PYGB: variants seen among roughly 807,000 people sequenced by gnomAD.
PYGB encodes glycogen phosphorylase B.
A neutral mutation model predicts 94.3 loss-of-function variants in PYGB; 82 were observed. The ratio of observed to expected loss-of-function variants is 0.87; its 90% CI spans 0.73 to 1.04. The LOEUF (loss-of-function observed/expected upper bound fraction) is 1.04, where lower values mean the gene tolerates loss of function less well. PYGB is among the 50% of genes least tolerant of loss of function. The pLI, the probability that PYGB is intolerant of heterozygous loss-of-function variation, is 0.00. For missense variants in PYGB, 1,132 were observed against 1,158.2 expected (o/e 0.98, Z 0.33); for synonymous variants, 488 against 479.1 (o/e 1.02, Z -0.24).
At position 25,280,252 on chromosome 20, in the gene PYGB, C is replaced by G. The variant is rs966409255; in HGVS notation, c.1093-14C>G. ...TTCTAAACAAACACATGGGAACATT[C>G]TCTAATGGCCTAGGCCTGGGAAATC... On this transcript the variant is annotated splice_polypyrimidine_tract_variant and intron_variant, in intron 9 of 19. Coordinates refer to ENST00000216962, the MANE Select transcript of PYGB (RefSeq NM_002862.4). The G allele has an allele frequency of 8.1e-6, 13 of 1,612,932 alleles. No individual in the cohort carries two copies. The African/African-American group carries it at 1.1e-4, about 13-fold the overall frequency.
Position 25,281,132 on chromosome 20 carries a change from G to C in PYGB, c.1403+20G>C, listed in dbSNP as rs182090304. On this transcript the variant is annotated intron_variant, in intron 11 of 19. Coordinates refer to ENST00000216962, the MANE Select transcript of PYGB (RefSeq NM_002862.4). The stretch of plus-strand genomic sequence containing the variant: ...GTCGGTGTGAGTGGGGCGCTTGCCC[G>C]AGCGGGGCCAGCTCTGTCTGACACC... 1 of 1,613,192 alleles carries C rather than the reference G, an allele frequency of 6.2e-7. No individual in the cohort carries two copies. Among genetic ancestry groups the C allele is most frequent in the South Asian group, 1.1e-5 (1 of 90,956 alleles).
chr20:25,262,981 C>T (rs907442211), intron 2 of PYGB, among the ~76,000 whole-genome samples: 1 of 152,112 alleles, frequency 6.6e-6, no homozygotes, highest in African/African-American at 2.4e-5. Flanking sequence ...CCTTAGAGAC[C>T]TACAAAGAGA....
intron 5 of PYGB, among the ~76,000 whole-genome samples, chr20:25,275,970 T>C (rs1410404433): frequency 2.6e-5 from 4 of 152,318 alleles, no homozygotes; most frequent in African/African-American, 7.2e-5. Context: ...CAAGCATCCC[T>C]GAGTGCGCCT....
Position 25,292,475 on chromosome 20 carries a change from T to G in PYGB, c.2039T>G (p.Met680Arg). Residue 680 changes from methionine to arginine, a missense_variant, in exon 17 of 20, where the codon ATG becomes AGG. By Grantham distance (91) the Met-to-Arg change is moderately conservative (BLOSUM62 -1). Transcript: ENST00000216962. ...AGTEASGTGN[M>R]KFMLNGALTI... is the part of the protein sequence containing the mutation. ...ACCGAGGCCTCAGGCACAGGCAACA[T>G]GAAGTTCATGCTCAACGGGGCCCTC... is the stretch of plus-strand genomic sequence containing the variant. The G allele has an allele frequency of 6.2e-7, 1 of 1,613,596 alleles. No individual in the cohort carries two copies.
At chr20:25,295,245 G>A (rs1451775457) in intron 18 of PYGB, among the ~76,000 whole-genome samples, 1 of 152,256 alleles carries the variant, frequency 6.6e-6, no homozygotes, top group East Asian at 1.9e-4. Flanking sequence ...AGTGCCCCCT[G>A]CCCTGAGGCG....
chr20:25,296,965 A>C lies in PYGB; in HGVS notation c.*443A>C, dbSNP rs991519133. On this transcript the variant is annotated 3_prime_UTR_variant, in exon 20 of 20. Transcript: ENST00000216962. ...CTGCAGCATCTGGGCTGCCAGCCAC[A>C]GGGAAGGGCCAAGCCCCATGTAGCC... 1.2e-5 allele frequency: 2 copies of C among 170,628 alleles called. No homozygotes were observed. The highest frequency in any genetic ancestry group is 4.8e-5 in the African/African-American group (2 of 41,598). The allele number at this position is 170,628 out of a possible 1,614,324, so 10.6% of individuals were successfully genotyped here.
chr20:25,294,753 ATGTAGTTAGTGTTTTATTTCAG>A, intron 18 of PYGB: 1 of 647,146 alleles, frequency 1.5e-6, no homozygotes, highest in Non-Finnish European at 2.8e-6. Flanking sequence ...TGACATTATA[ATGTAGTTAGTGTTTTATTTCAG>A]TGCAGTTAGC....
chr20:25,262,691 A>G (rs2092916333), intron 2 of PYGB, among the ~76,000 whole-genome samples: 1 of 146,218 alleles, frequency 6.8e-6, no homozygotes, highest in Admixed American at 6.6e-5. Context: ...AAGAGTCAAG[A>G]CCCATCAGTG....
intron 2 of PYGB, among the ~76,000 whole-genome samples, chr20:25,265,438 G>A (rs2088208047): frequency 1.3e-5 from 2 of 152,082 alleles, no homozygotes; most frequent in South Asian, 4.1e-4. Context: ...GTGTAAAATG[G>A]TATGTTATAG....
rs1314977815 is a variant in PYGB, at chr20:25,254,902, CTT to C, written c.244-4334_244-4333del. On this transcript the variant is annotated intron_variant, in intron 1 of 19. Coordinates refer to ENST00000216962, the MANE Select transcript of PYGB (RefSeq NM_002862.4). ...TGTTTACTACAGAACCAAGTGATCT[CTT>C]AAGATCCCCATAAGTTCTAAAGTTC... is the stretch of plus-strand genomic sequence containing the variant. Among the ~76,000 whole-genome samples, 9 of 152,182 alleles carry C rather than the reference CTT, an allele frequency of 5.9e-5. No individual in the cohort carries two copies. In the East Asian group the frequency reaches 1.7e-3, roughly 29 times the overall value.
At chr20:25,294,610 G>T in intron 18 of PYGB, 2 of 544,952 alleles carry the variant, frequency 3.7e-6, no homozygotes, top group South Asian at 4.0e-5. Flanking sequence ...CCGTGTCCCA[G>T]CAGGCCAGTA....
At chr20:25,254,763 C>T (rs2123511480) in intron 1 of PYGB, among the ~76,000 whole-genome samples, 1 of 152,298 alleles carries the variant, frequency 6.6e-6, no homozygotes, top group Middle Eastern at 3.4e-3. Flanking sequence ...AGAAGGCTCC[C>T]ATCGCTTTCT....
Position 25,294,414 on chromosome 20 carries a change from C to G in PYGB, c.2312+122C>G, listed in dbSNP as rs564982988. On this transcript the variant is annotated intron_variant, in intron 18 of 19. Coordinates refer to ENST00000216962, the MANE Select transcript of PYGB (RefSeq NM_002862.4). ...ACCCGTGCTTTCAGGACGTCTTCTC[C>G]ACTGTGCCCATGAGACCTTACTGGG... 19 of 1,268,568 alleles carry G rather than the reference C, an allele frequency of 1.5e-5. No homozygotes were observed. In the East Asian group the frequency reaches 4.4e-4, roughly 30 times the overall value. The allele number at this position is 1,268,568 out of a possible 1,614,324, so 78.6% of individuals were successfully genotyped here.
intron 2 of PYGB, among the ~76,000 whole-genome samples, chr20:25,262,200 A>G (rs937103330): frequency 6.6e-6 from 1 of 152,246 alleles, no homozygotes; most frequent in Non-Finnish European, 1.5e-5. Flanking sequence ...AGTTGAAATG[A>G]AGGAGAAAAT....
In PYGB at chr20:25,276,727, A is replaced by G; in HGVS notation, c.742A>G (p.Lys248Glu). 1 of 1,614,002 alleles carries G rather than the reference A, an allele frequency of 6.2e-7. No individual in the cohort carries two copies. The highest frequency in any genetic ancestry group is 8.5e-7 in the Non-Finnish European group (1 of 1,179,914). ...TVNTMRLWSA[K>E]APNDFKLQDF... ...CAACACCATGCGGCTGTGGTCCGCC[A>G]AGGCTCCCAACGACTTCAAGCTGCA... Residue 248 changes from lysine (K) to glutamate (E), a missense_variant, in exon 6 of 20, where the codon AAG becomes GAG. Lys to Glu is a moderately conservative substitution (Grantham distance 56). Transcript: ENST00000216962.
intron 2 of PYGB, among the ~76,000 whole-genome samples, chr20:25,262,912 C>T (rs184517772): frequency 6.6e-6 from 1 of 152,258 alleles, no homozygotes; most frequent in East Asian, 1.9e-4. Context: ...ACAAGAAGAG[C>T]TAACTATTCT....
intron 19 of PYGB, 143 bp from the exon 20 acceptor site, chr20:25,296,227 T>A: frequency 9.9e-7 from 1 of 1,007,158 alleles, no homozygotes; most frequent in Non-Finnish European, 1.5e-6. Context: ...AACGAACAAG[T>A]GATTGTAATG....
At chr20:25,276,869 G>A in intron 6 of PYGB, 112 bp downstream of exon 6, 1 of 978,364 alleles carries the variant, frequency 1.0e-6, no homozygotes, top group Non-Finnish European at 1.5e-6. Flanking sequence ...AGGCCGCGCG[G>A]CCCTCCTCTA....
rs764801264 is a variant in PYGB, at chr20:25,282,014, C to G, written c.1404-19C>G. 1.9e-6 allele frequency: 3 copies of G among 1,584,350 alleles called. No individual in the cohort carries two copies. Among genetic ancestry groups the G allele is most frequent in the Middle Eastern group, 1.7e-4 (1 of 5,976 alleles). On this transcript the variant is annotated intron_variant, in intron 11 of 19. Coordinates refer to ENST00000216962, the MANE Select transcript of PYGB (RefSeq NM_002862.4). The stretch of plus-strand genomic sequence containing the variant: ...AGGGCACAGCATTTGTGACAGTTCC[C>G]TGTTCTCTGTGTTTGCAGCTTTAAG...
Sources: allele counts gnomAD v4.1 joint callset (sites outside exome capture counted in the v4.1 genomes callset), GRCh38; gene constraint gnomAD v4.1.1; transcripts MANE v1.5; gene names NCBI Gene and HGNC (gene_info 2026-07-23, HGNC 2026-07-21).